Variants in DCLRE1C observed in about 807,000 individuals in gnomAD.
DCLRE1C encodes the protein DNA cross-link repair 1C.
DCLRE1C carries 47 observed loss-of-function variants against 61.4 expected under a neutral mutation model. That is an observed-to-expected ratio of 0.77 (90% confidence interval 0.61 to 0.98). The LOEUF (loss-of-function observed/expected upper bound fraction) is 0.98. Among genes scored for constraint, DCLRE1C ranks in the 50% least tolerant of loss-of-function variants. The pLI, the probability that DCLRE1C is intolerant of heterozygous loss-of-function variation, is 0.00. For synonymous variants in DCLRE1C, 337 were observed against 287.6 expected (o/e 1.17, Z -1.74); for missense variants, 858 against 816.0 (o/e 1.05, Z -0.63).
intron 13 of DCLRE1C, 71 bp downstream of exon 13, chr10:14,919,667 A>C: frequency 8.1e-7 from 1 of 1,239,110 alleles, no homozygotes; most frequent in Non-Finnish European, 1.2e-6. Context: ...CACTTCTCCC[A>C]GACCCAAGCT....
At chr10:14,925,584 G>A (rs1032167312) in intron 11 of DCLRE1C, among the ~76,000 whole-genome samples, 3 of 152,050 alleles carry the variant, frequency 2.0e-5, no homozygotes, top group Non-Finnish European at 4.4e-5. Flanking sequence ...TGTTTCTGTT[G>A]AAAGACACCT....
intron 9 of DCLRE1C, among the ~76,000 whole-genome samples, chr10:14,932,515 T>C (rs1839185212): frequency 6.6e-6 from 1 of 151,960 alleles, no homozygotes; most frequent in African/African-American, 2.4e-5. Context: ...CGGGCGCCTG[T>C]AGTCCCAGCT....
At chr10:14,910,620 T>G (rs1488721227) in intron 13 of DCLRE1C, among the ~76,000 whole-genome samples, 1 of 152,206 alleles carries the variant, frequency 6.6e-6, no homozygotes, top group Non-Finnish European at 1.5e-5. Context: ...TGAAATATTT[T>G]TGTATGATCT....
chr10:14,913,725 C>A (rs1052050273), intron 13 of DCLRE1C, among the ~76,000 whole-genome samples: 1 of 152,154 alleles, frequency 6.6e-6, no homozygotes, highest in Admixed American at 6.5e-5. Context: ...AGCATTTACA[C>A]TGTATTAGGT....
intron 12 of DCLRE1C, among the ~76,000 whole-genome samples, chr10:14,922,439 T>TA (rs76753067): frequency 0.024 from 3,016 of 124,788 alleles, 87 homozygotes; most frequent in African/African-American, 0.077. Context: ...AGACCCTGTC[T>TA]AAAAAAAAAA....
downstream of DCLRE1C, chr10:14,902,546 AT>A (rs748476490): frequency 4.5e-6 from 6 of 1,347,598 alleles, no homozygotes; most frequent in African/African-American, 3.0e-5. Context: ...TGATTATAAT[AT>A]TTTTTTCCTA....
Position 14,954,037 on chromosome 10 carries a change from C to T in DCLRE1C, c.-27G>A. 6.2e-7 allele frequency: 1 copy of T among 1,613,654 alleles called. No homozygotes were observed. Among genetic ancestry groups the T allele is most frequent in the Non-Finnish European group, 8.5e-7 (1 of 1,179,880 alleles). The stretch of plus-strand genomic sequence containing the variant: ...GCGCCGCCGATCCCAGAGTCCGGGA[C>T]CCCAAAACCGCAGCTGAAGCCAAGG... On this transcript the variant is annotated 5_prime_UTR_variant, in exon 1 of 14. Transcript: ENST00000378278.
chr10:14,939,519 T>A (rs1450102780), intron 4 of DCLRE1C, among the ~76,000 whole-genome samples: 1 of 151,728 alleles, frequency 6.6e-6, no homozygotes, highest in Non-Finnish European at 1.5e-5. Flanking sequence ...GGATTTCCAG[T>A]CTCTAGAACC....
At chr10:14,937,440 G>T (rs1589086100) in intron 4 of DCLRE1C, among the ~76,000 whole-genome samples, 1 of 151,754 alleles carries the variant, frequency 6.6e-6, no homozygotes, top group Non-Finnish European at 1.5e-5. Context: ...CTGCCATCAC[G>T]CCTGGCTAAT....
intron 13 of DCLRE1C, among the ~76,000 whole-genome samples, chr10:14,916,584 G>A (rs1419150952): frequency 1.3e-5 from 2 of 152,136 alleles, no homozygotes; most frequent in African/African-American, 4.8e-5. Context: ...CTGCTCCCAA[G>A]CATTTTGAAT....
At chr10:14,899,186 C>T (rs746662674) in exon 14 of DCLRE1C, 49 of 701,390 alleles carry the variant, frequency 7.0e-5, no homozygotes, top group South Asian at 6.2e-4. Flanking sequence ...CTGGGCATGG[C>T]GGTATGCACC....
chr10:14,919,600 T>G, intron 13 of DCLRE1C, 138 bp downstream of exon 13: 1 of 734,482 alleles, frequency 1.4e-6, no homozygotes, highest in Non-Finnish European at 2.5e-6. Context: ...AAGTACTTCC[T>G]GAGACCATGT....
chr10:14,932,523 G>C (rs1271705621), intron 9 of DCLRE1C, among the ~76,000 whole-genome samples: 1 of 152,046 alleles, frequency 6.6e-6, no homozygotes, highest in African/African-American at 2.4e-5. Flanking sequence ...TGTAGTCCCA[G>C]CTACTCAGGA....
chr10:14,927,415 G>C (rs1224032966), intron 10 of DCLRE1C, among the ~76,000 whole-genome samples: 1 of 151,366 alleles, frequency 6.6e-6, no homozygotes, highest in African/African-American at 2.4e-5. Flanking sequence ...GAGGGAGGGA[G>C]GGAGGGACCT....
chr10:14,934,327 CAAA>C (rs374055066), intron 8 of DCLRE1C, 50 bp downstream of exon 8: 1,868 of 1,406,420 alleles, frequency 1.3e-3, no homozygotes, highest in East Asian at 2.4e-3. Context: ...GACTCCCTCT[CAAA>C]AAAAAAAAAA....
rs1841480657 is a variant in DCLRE1C at position 14,945,146 on chromosome 10, A to C, written c.205T>G (p.Leu69Val). ...AATCTGTATTTCGGGCTCGTTAACA[A>C]CAACTCCTTAGTCACAGGTGAACAG... ...LYCSPVTKEL[L>V]LTSPKYRFWK... The change falls in exon 3 of 14, where the codon TTG becomes GTG. Residue 69 changes from leucine (L) to valine (V), a missense_variant. Around this residue, in one of 2 missense-constraint regions of DCLRE1C, gnomAD observed 843 missense variants for 783.5 expected, o/e 1.08. Transcript: ENST00000378278. 6.2e-7 allele frequency: 1 copy of C among 1,613,236 alleles called. No individual in the cohort carries two copies. The highest frequency in any genetic ancestry group is 1.3e-5 in the African/African-American group (1 of 75,022).
chr10:14,899,409 GTTTGC>G, intron 13 of DCLRE1C: 3 of 965,892 alleles, frequency 3.1e-6, no homozygotes, highest in South Asian at 1.6e-5. Context: ...TTGTGTGAAT[GTTTGC>G]TTTGATGACA....
intron 13 of DCLRE1C, among the ~76,000 whole-genome samples, chr10:14,909,759 C>G (rs1834938669): frequency 6.6e-6 from 1 of 152,050 alleles, no homozygotes; most frequent in Admixed American, 6.6e-5. Context: ...AGTAGATGCT[C>G]AGTGGGTTGG....
intron 12 of DCLRE1C, among the ~76,000 whole-genome samples, chr10:14,922,000 C>A (rs545298990): frequency 6.6e-6 from 1 of 152,228 alleles, no homozygotes; most frequent in Non-Finnish European, 1.5e-5. Context: ...TTCCCTGACA[C>A]GGGGCCTCAT....
Sources: gnomAD v4.1 joint callset for allele counts (sites outside exome capture counted in the v4.1 genomes callset) on GRCh38, gnomAD v4.1.1 for gene constraint, gnomAD v4.1.1 regional missense constraint, MANE v1.5 for transcripts, NCBI Gene and HGNC (gene_info 2026-07-23, HGNC 2026-07-21) for gene names.